RASSF4: variants seen among roughly 807,000 people sequenced by gnomAD.
RASSF4 encodes ras association domain-containing protein 4.
A neutral mutation model predicts 41.1 loss-of-function variants in RASSF4; 38 were observed. The observed-to-expected ratio is 0.92, with a 90% confidence interval of 0.71 to 1.21. The LOEUF is 1.21. Ranked by LOEUF, RASSF4 falls within the 50% of genes most tolerant of loss-of-function variation. The probability of loss-of-function intolerance (pLI) is 0.00; values close to 1 mark genes in which losing one functional copy is unlikely to be tolerated. For synonymous variants in RASSF4, 179 were observed against 163.4 expected (o/e 1.10, Z -0.73); for missense variants, 414 against 419.4 (o/e 0.99, Z 0.11).
chr10:44,980,383 G>A (rs1286984848), intron 3 of RASSF4, among the ~76,000 whole-genome samples: 1 of 152,234 alleles, frequency 6.6e-6, no homozygotes, highest in Non-Finnish European at 1.5e-5. Flanking sequence ...GAGGGAGGGA[G>A]GCGGAGAATT....
At position 44,982,545 on chromosome 10, in the gene RASSF4, G is replaced by A; in HGVS notation, c.163G>A (p.Gly55Arg). Residue 55 changes from glycine (G) to arginine (R), a missense_variant, in exon 4 of 11, where the codon GGG (glycine) becomes AGG (arginine). By Grantham distance (125) the Gly-to-Arg change is moderately radical (BLOSUM62 -2). Transcript: ENST00000340258. ...GGAAGAAGGGACTCTGATCATCGAG[G>A]GGCTCCTCAACATTGCCTGGGGGCT... ...REEEGTLIIE[G>R]LLNIAWGLRR... 1 of 1,611,936 alleles carries A rather than the reference G, an allele frequency of 6.2e-7. No homozygotes were observed. Among genetic ancestry groups the A allele is most frequent in the East Asian group, 2.2e-5 (1 of 44,786 alleles).
chr10:44,961,204 G>GA (rs1317027073), intron 1 of RASSF4, among the ~76,000 whole-genome samples: 1 of 152,222 alleles, frequency 6.6e-6, no homozygotes, highest in Admixed American at 6.5e-5. Flanking sequence ...CTGGTGATTT[G>GA]ACAACAAAAA....
At chr10:44,981,244 G>A (rs1309561070) in intron 3 of RASSF4, 1 of 152,168 alleles carries the variant, frequency 6.6e-6, no homozygotes, top group East Asian at 1.9e-4. Flanking sequence ...AATACTGCAT[G>A]ATTCCCTTAT....
chr10:44,989,830 G>C (rs1842047020), intron 8 of RASSF4, 109 bp downstream of exon 8: 2 of 1,006,260 alleles, frequency 2.0e-6, no homozygotes, highest in Non-Finnish European at 3.2e-6. Context: ...TGGGCTCCGT[G>C]CTGGCTTGCC....
chr10:44,979,255 C>G (rs1231480826), intron 3 of RASSF4, among the ~76,000 whole-genome samples: 1 of 152,184 alleles, frequency 6.6e-6, no homozygotes, highest in Non-Finnish European at 1.5e-5. Flanking sequence ...AGAGACACAC[C>G]CTGCTCGCAA....
intron 8 of RASSF4, among the ~76,000 whole-genome samples, chr10:44,990,110 G>C (rs1035408708): frequency 6.6e-6 from 1 of 152,150 alleles, no homozygotes; most frequent in East Asian, 1.9e-4. Flanking sequence ...CCTTGGCGCC[G>C]AGTCAGGAAG....
At chr10:44,968,994 TTGTG>T (rs1841021445) in intron 1 of RASSF4, among the ~76,000 whole-genome samples, 1 of 150,378 alleles carries the variant, frequency 6.6e-6, no homozygotes, top group African/African-American at 2.5e-5. Context: ...TTGTGAGTGT[TTGTG>T]TATGTGTGTG....
chr10:44,977,566 G>A (rs773914400), intron 3 of RASSF4: 27 of 1,613,502 alleles, frequency 1.7e-5, no homozygotes, highest in Non-Finnish European at 2.3e-5. Flanking sequence ...CAGGCATCCT[G>A]GCTTCACAGA....
intron 1 of RASSF4, among the ~76,000 whole-genome samples, chr10:44,967,335 C>T (rs750604373): frequency 6.6e-6 from 1 of 152,218 alleles, no homozygotes; most frequent in Non-Finnish European, 1.5e-5. Flanking sequence ...GTTCGCAGCT[C>T]AGTGGTCAGA....
At position 44,984,573 on chromosome 10, in the gene RASSF4, A is replaced by C. The variant is rs548915080; in HGVS notation, c.374-240A>C. The C allele has an allele frequency of 4.3e-4, 253 of 583,244 alleles. No individual in the cohort carries two copies. In the East Asian group the frequency reaches 4.7e-3, roughly 11 times the overall value. The allele number at this position is 583,244 out of a possible 1,614,324, so 36.1% of individuals were successfully genotyped here. A position where few individuals can be genotyped will look rare whatever the true frequency, so the allele number is the denominator to read the frequency against. Reference sequence around the variant, plus strand: ...ACCAAAGACCTCCATGGGCACCCTAAGACAGAGACCAAGAGGGGTATGGCC... The same window carrying C: ...ACCAAAGACCTCCATGGGCACCCTACGACAGAGACCAAGAGGGGTATGGCC... On this transcript the variant is annotated intron_variant, in intron 5 of 10. Transcript: ENST00000340258.
chr10:44,974,823 T>C (rs1385295685), intron 3 of RASSF4, among the ~76,000 whole-genome samples: 1 of 152,200 alleles, frequency 6.6e-6, no homozygotes, highest in East Asian at 1.9e-4. Flanking sequence ...AGGGACGCCA[T>C]CTCTGGAGGC....
At chr10:44,969,885 A>T (rs1030938119) in intron 1 of RASSF4, among the ~76,000 whole-genome samples, 3 of 152,216 alleles carry the variant, frequency 2.0e-5, no homozygotes. Context: ...AATGCTTAGG[A>T]GATGGATCTG....
intron 2 of RASSF4, chr10:44,971,125 C>A: frequency 4.0e-6 from 1 of 251,678 alleles, no homozygotes; most frequent in Non-Finnish European, 8.0e-6. Flanking sequence ...CGTCTGCTGG[C>A]CCCACAGCCC....
At position 44,984,851 on chromosome 10, in the gene RASSF4, C is replaced by T. The variant is rs201059317; in HGVS notation, c.412C>T (p.Arg138Trp). 5.0e-6 allele frequency: 8 copies of T among 1,613,552 alleles called. No individual in the cohort carries two copies. The highest frequency in any genetic ancestry group is 1.7e-5 in the Admixed American group (1 of 60,008). Reference sequence around the variant, plus strand: ...GGCAGAGGAGGCCCCCCAGCTGATGCGGACCAAGAGCGACGCCAGTTGCAT... The same window carrying T: ...GGCAGAGGAGGCCCCCCAGCTGATGTGGACCAAGAGCGACGCCAGTTGCAT... ...EEAEEAPQLM[R>W]TKSDASCMSQ... Residue 138 changes from arginine (R) to tryptophan (W), a missense_variant, in exon 6 of 11, where the codon CGG (arginine) becomes TGG (tryptophan). Transcript: ENST00000340258.
At chr10:44,963,566 C>CGTGGCCTGCACCTGCTCT (rs1272544872) in intron 1 of RASSF4, among the ~76,000 whole-genome samples, 1 of 152,220 alleles carries the variant, frequency 6.6e-6, no homozygotes, top group Non-Finnish European at 1.5e-5. Flanking sequence ...ATGCCGTCAG[C>CGTGGCCTGCACCTGCTCT]GTGGCCTGCA....
intron 3 of RASSF4, among the ~76,000 whole-genome samples, chr10:44,975,718 G>T: frequency 6.7e-6 from 1 of 150,334 alleles, no homozygotes; most frequent in Non-Finnish European, 1.5e-5. Flanking sequence ...ACTGCCAGAA[G>T]CCCCAACCAC....
At chr10:44,986,613 A>G (rs1248616411) in intron 6 of RASSF4, among the ~76,000 whole-genome samples, 1 of 152,224 alleles carries the variant, frequency 6.6e-6, no homozygotes, top group East Asian at 1.9e-4. Context: ...TAGCTCCCCC[A>G]CCTCCTGGGT....
In RASSF4 at chr10:44,991,053, T is replaced by G. The variant is rs1423700538; in HGVS notation, c.791T>G (p.Val264Gly). The G allele has an allele frequency of 6.2e-7, 1 of 1,613,302 alleles. No homozygotes were observed. Among genetic ancestry groups the G allele is most frequent in the South Asian group, 1.1e-5 (1 of 91,020 alleles). ...RIFLMEADLG[V>G]EVPHEVAQYI... ...TTCCTGATGGAAGCTGACTTGGGCG[T>G]GGAAGTCCCCCATGAAGTGAGTGGG... Residue 264 changes from valine (V) to glycine (G), a missense_variant, in exon 9 of 11, where the codon GTG becomes GGG. Physicochemically the swap from Val to Gly is moderately radical, Grantham distance 109 (BLOSUM62 -3). Transcript: ENST00000340258.
intron 1 of RASSF4, among the ~76,000 whole-genome samples, chr10:44,967,239 G>A (rs1451621782): frequency 6.6e-6 from 1 of 152,144 alleles, no homozygotes; most frequent in Non-Finnish European, 1.5e-5. Flanking sequence ...ATGGCTTTCT[G>A]GGTCACCACG....
Sources: gnomAD v4.1 joint callset for allele counts (sites outside exome capture counted in the v4.1 genomes callset) on GRCh38, gnomAD v4.1.1 for gene constraint, MANE v1.5 for transcripts, NCBI Gene and HGNC (gene_info 2026-07-23, HGNC 2026-07-21) for gene names.